RORA: variants seen among roughly 807,000 people sequenced by gnomAD.
RORA encodes the protein RAR related orphan receptor A.
In RORA, 7 loss-of-function variants were observed where a neutral mutation model predicts 69.5. The observed-to-expected ratio is 0.10, with a 90% CI of 0.06 to 0.19. The LOEUF (loss-of-function observed/expected upper bound fraction) is 0.19, where lower values mean the gene tolerates loss of function less well. Ranked by LOEUF, RORA falls within the 10% of genes least tolerant of loss-of-function variation. The pLI is 1.00. For missense variants in RORA, 457 were observed against 663.0 expected, an observed-to-expected ratio of 0.69 and a Z score of 3.41; for synonymous variants, 261 against 240.8, an observed-to-expected ratio of 1.08 and a Z score of -0.78.
intron 1 of RORA, among the ~76,000 whole-genome samples, chr15:61,166,794 C>T (rs2079542755): frequency 6.6e-6 from 1 of 152,084 alleles, no homozygotes. Context: ...AGAACATACC[C>T]TTTACATGTT....
In RORA at chr15:60,619,974, C is replaced by T. The variant is rs138505541; in HGVS notation, c.196+58683G>A. Among the ~76,000 whole-genome samples, 512 of 152,354 alleles carry T rather than the reference C, an allele frequency of 3.4e-3. 1 individual carries two copies. The highest frequency in any genetic ancestry group is 0.016 in the East Asian group (84 of 5,184). ...CAAGAGCTCCATCCACCTTCTCTGA[C>T]GTCTTCCCCAGTCATTCCTGCCCCT... is the stretch of plus-strand genomic sequence containing the variant. On this transcript the variant is annotated intron_variant, in intron 2 of 10. Transcript: ENST00000335670.
intron 1 of RORA, chr15:60,765,495 T>A (rs2071974809): frequency 6.6e-6 from 1 of 152,168 alleles, no homozygotes; most frequent in Non-Finnish European, 1.5e-5. Flanking sequence ...GGTCGGGTCT[T>A]GTGTAAGATT....
chr15:60,731,969 C>T (rs757567326), intron 1 of RORA, among the ~76,000 whole-genome samples: 2 of 152,128 alleles, frequency 1.3e-5, no homozygotes, highest in Non-Finnish European at 2.9e-5. Context: ...TCCTGCCATA[C>T]CAGGCTAGAA....
At chr15:60,701,521 A>C (rs1210551683) in intron 1 of RORA, among the ~76,000 whole-genome samples, 1 of 152,194 alleles carries the variant, frequency 6.6e-6, no homozygotes, top group African/African-American at 2.4e-5. Context: ...TCACCGACGT[A>C]CTGCCTCTGC....
At chr15:60,967,842 A>T (rs1312476273) in intron 1 of RORA, among the ~76,000 whole-genome samples, 1 of 152,160 alleles carries the variant, frequency 6.6e-6, no homozygotes, top group Non-Finnish European at 1.5e-5. Flanking sequence ...TTTTAGTAAA[A>T]GGCTTCAGTA....
intron 1 of RORA, among the ~76,000 whole-genome samples, chr15:60,835,340 C>A (rs1018297109): frequency 3.9e-5 from 6 of 152,226 alleles, no homozygotes; most frequent in Non-Finnish European, 7.3e-5. Context: ...TACAATATCT[C>A]TCTGGGTTGC....
intron 1 of RORA, among the ~76,000 whole-genome samples, chr15:60,747,305 A>G (rs1413411567): frequency 1.3e-5 from 2 of 152,168 alleles, no homozygotes; most frequent in Non-Finnish European, 2.9e-5. Context: ...GGCATGTTCA[A>G]TGCTTCTTAT....
At chr15:60,663,461 T>G (rs770044483) in intron 2 of RORA, among the ~76,000 whole-genome samples, 2 of 152,214 alleles carry the variant, frequency 1.3e-5, no homozygotes, top group Non-Finnish European at 2.9e-5. Context: ...TGAGACTTTT[T>G]TTGTTGTTGC....
At chr15:60,933,824 G>A (rs1387565460) in intron 1 of RORA, among the ~76,000 whole-genome samples, 1 of 152,156 alleles carries the variant, frequency 6.6e-6, no homozygotes, top group Non-Finnish European at 1.5e-5. Flanking sequence ...TTTCATATGG[G>A]AAAAAGCAGA....
chr15:60,807,573 A>C (rs1245148055), intron 1 of RORA, among the ~76,000 whole-genome samples: 6 of 152,160 alleles, frequency 3.9e-5, no homozygotes, highest in South Asian at 2.1e-4. Context: ...TAGAAAAAAC[A>C]ATCTTAAAAT....
chr15:60,997,829 A>G (rs1894607809), intron 1 of RORA, among the ~76,000 whole-genome samples: 1 of 152,196 alleles, frequency 6.6e-6, no homozygotes, highest in Non-Finnish European at 1.5e-5. Flanking sequence ...TGGGCAAGTC[A>G]TCTTTCTTTC....
At chr15:61,159,383 A>G (rs1483793811) in intron 1 of RORA, among the ~76,000 whole-genome samples, 1 of 151,982 alleles carries the variant, frequency 6.6e-6, no homozygotes, top group Admixed American at 6.6e-5. Flanking sequence ...TGTACTTCCA[A>G]TTTTTTTTAC....
chr15:61,017,120 T>C (rs915489756), intron 1 of RORA, among the ~76,000 whole-genome samples: 4 of 152,150 alleles, frequency 2.6e-5, no homozygotes, highest in African/African-American at 9.7e-5. Context: ...ATATATCACA[T>C]AAAGCAGGCT....
chr15:60,877,223 T>A (rs2073627255), intron 1 of RORA, among the ~76,000 whole-genome samples: 1 of 152,226 alleles, frequency 6.6e-6, no homozygotes, highest in Non-Finnish European at 1.5e-5. Context: ...TGAGCATGTA[T>A]GAAATCCAGA....
intron 2 of RORA, among the ~76,000 whole-genome samples, chr15:60,542,564 C>T (rs1406342824): frequency 1.5e-5 from 2 of 131,214 alleles, no homozygotes; most frequent in Non-Finnish European, 3.0e-5. Context: ...ACACCTCACA[C>T]ACACGGCACG....
intron 1 of RORA, among the ~76,000 whole-genome samples, chr15:60,867,026 C>T (rs997263176): frequency 2.6e-5 from 4 of 151,962 alleles, no homozygotes; most frequent in Admixed American, 6.6e-5. Flanking sequence ...CCACCATGCC[C>T]GGCTAATTTT....
At chr15:61,084,966 C>G (rs2078600949) in intron 1 of RORA, among the ~76,000 whole-genome samples, 1 of 152,028 alleles carries the variant, frequency 6.6e-6, no homozygotes. Context: ...ACTCTTAATC[C>G]TCAACCATAA....
chr15:60,881,869 T>C (rs1370487364), intron 1 of RORA, among the ~76,000 whole-genome samples: 4 of 152,200 alleles, frequency 2.6e-5, no homozygotes, highest in African/African-American at 4.8e-5. Flanking sequence ...AAAATAAAGA[T>C]GATAAGTATG....
chr15:60,617,188 T>C (rs895079625), intron 2 of RORA, among the ~76,000 whole-genome samples: 1 of 152,224 alleles, frequency 6.6e-6, no homozygotes, highest in Non-Finnish European at 1.5e-5. Context: ...CTCAGTGTTA[T>C]AGTCACAGAA....
Sources: gnomAD v4.1 joint callset for allele counts (sites outside exome capture counted in the v4.1 genomes callset) on GRCh38, gnomAD v4.1.1 for gene constraint, MANE v1.5 for transcripts, NCBI Gene and HGNC (gene_info 2026-07-23, HGNC 2026-07-21) for gene names.